The following WDR62 variants were observed in gnomAD, a reference collection of about 807,000 sequenced individuals.
WDR62 encodes the protein WD repeat-containing protein 62.
Under a neutral mutation model 160.6 loss-of-function variants are expected in WDR62, and 112 were observed. The ratio of observed to expected loss-of-function variants is 0.70; its 90% confidence interval spans 0.60 to 0.82. The LOEUF is 0.82. Among genes scored for constraint, WDR62 ranks in the 40% least tolerant of loss-of-function variants. The probability of loss-of-function intolerance (pLI) is 0.00; values close to 1 mark genes in which losing one functional copy is unlikely to be tolerated. For synonymous variants in WDR62, 792 were observed against 815.1 expected, an observed-to-expected ratio of 0.97 and a Z score of 0.48; for missense variants, 1,819 against 1,983.8, an observed-to-expected ratio of 0.92 and a Z score of 1.58.
intron 3 of WDR62, among the ~76,000 whole-genome samples, chr19:36,064,640 C>T (rs896515377): frequency 5.9e-5 from 9 of 151,908 alleles, no homozygotes; most frequent in African/African-American, 2.2e-4. Context: ...TGCAGCAGCA[C>T]GATCTTGGCT....
At chr19:36,081,392 G>A (rs906735641) in intron 9 of WDR62, 41 bp from the exon 10 acceptor site, 1 of 1,559,458 alleles carries the variant, frequency 6.4e-7, no homozygotes, top group Non-Finnish European at 8.8e-7. Flanking sequence ...TCATAGTGCT[G>A]TCATTGAGTC....
chr19:36,088,973 C>T (rs1363427330), intron 13 of WDR62, 65 bp from the exon 14 acceptor site: 1 of 1,580,882 alleles, frequency 6.3e-7, no homozygotes, highest in East Asian at 2.2e-5. Flanking sequence ...AGTGGAGTTC[C>T]CCAGCTAGGG....
chr19:36,061,977 T>C (rs1970673971), intron 3 of WDR62: 1 of 151,870 alleles, frequency 6.6e-6, no homozygotes, highest in Non-Finnish European at 1.5e-5. Flanking sequence ...AGAGTCTTGC[T>C]CTGTCACCCA....
At position 36,091,993 on chromosome 19, in the gene WDR62, C is replaced by A. The variant is rs533058369; in HGVS notation, c.2210+528C>A. ...TCAGTTTGCTCCCCTGTAAAAGACA[C>A]CACCGTTTACATTTACCTTAAAAAT... On this transcript the variant is annotated intron_variant, in intron 18 of 31. Coordinates refer to ENST00000401500, the MANE Select transcript of WDR62 (RefSeq NM_001083961.2). Among the ~76,000 whole-genome samples the A allele has an allele frequency of 7.9e-5, 12 of 152,060 alleles. No homozygotes were observed. The South Asian group carries it at 2.1e-3, about 26-fold the overall frequency.
intron 3 of WDR62, among the ~76,000 whole-genome samples, chr19:36,064,462 G>GT (rs1452682363): frequency 6.6e-6 from 1 of 152,102 alleles, no homozygotes; most frequent in African/African-American, 2.4e-5. Flanking sequence ...TGTATTTTTA[G>GT]TATAGACAGG....
At chr19:36,076,594 AG>A (rs1971582662) in intron 9 of WDR62, among the ~76,000 whole-genome samples, 1 of 151,288 alleles carries the variant, frequency 6.6e-6, no homozygotes, top group Non-Finnish European at 1.5e-5. Context: ...AGAGAAGGCC[AG>A]GGTTTTTTTT....
chr19:36,102,413 AC>A, intron 26 of WDR62: 1 of 591,536 alleles, frequency 1.7e-6, no homozygotes, highest in Non-Finnish European at 3.0e-6. Flanking sequence ...GGCATCCACA[AC>A]CACGCCCTGC....
At chr19:36,058,481 C>T (rs905402151) in intron 1 of WDR62, among the ~76,000 whole-genome samples, 1 of 152,250 alleles carries the variant, frequency 6.6e-6, no homozygotes. Context: ...CATTACTTGG[C>T]ATCTATTTCA....
At chr19:36,088,865 G>A (rs1488327651) in intron 13 of WDR62, among the ~76,000 whole-genome samples, 173 bp from the exon 14 acceptor site, 4 of 152,058 alleles carry the variant, frequency 2.6e-5, no homozygotes, top group South Asian at 2.1e-4. Context: ...CCCCTCACAC[G>A]TACAGCTCAT....
intron 9 of WDR62, chr19:36,075,462 C>CG (rs1348819696): frequency 6.6e-6 from 1 of 151,764 alleles, no homozygotes; most frequent in Non-Finnish European, 1.5e-5. Flanking sequence ...TTTTTCCCCC[C>CG]CAAGACGGAA....
In WDR62 at chr19:36,089,168, C is replaced by A. The variant is rs371369263; in HGVS notation, c.1837-17C>A. The A allele has an allele frequency of 6.2e-7, 1 of 1,613,550 alleles. No homozygotes were observed. The highest frequency in any genetic ancestry group is 1.7e-5 in the Admixed American group (1 of 59,934). On this transcript the variant is annotated splice_polypyrimidine_tract_variant and intron_variant, in intron 14 of 31. Transcript: ENST00000401500. ...GGTTGTCGGGGCATTCTCTGAAGGT[C>A]CTGCCGGCCCTGCCAGGGTTCGGAT... is the stretch of plus-strand genomic sequence containing the variant.
rs1351025682 is a variant in WDR62, at chr19:36,091,442, C to T, written c.2187C>T (p.His729=). 1.2e-6 allele frequency: 2 copies of T among 1,610,446 alleles called. No homozygotes were observed. The highest frequency in any genetic ancestry group is 2.2e-5 in the South Asian group (2 of 91,040). Reference sequence around the variant, plus strand: ...TGAAGTTCACCTATGACTGTCATCACTTGATCACAGTATCTGGAGACAGGT... The same window carrying T: ...TGAAGTTCACCTATGACTGTCATCATTTGATCACAGTATCTGGAGACAGGT... ...TSMKFTYDCH[H]LITVSGDSCV... Residue 729 remains histidine, a synonymous_variant, in exon 18 of 32, where the codon CAC becomes CAT. Coordinates refer to ENST00000401500, the MANE Select transcript of WDR62 (RefSeq NM_001083961.2).
intron 19 of WDR62, 140 bp downstream of exon 19, chr19:36,092,951 C>A: frequency 8.0e-7 from 1 of 1,247,526 alleles, no homozygotes; most frequent in Non-Finnish European, 1.2e-6. Context: ...GGGAGACAGA[C>A]TTTGAATATG....
At chr19:36,099,358 G>A in intron 21 of WDR62, 41 bp from the exon 22 acceptor site, 1 of 1,575,132 alleles carries the variant, frequency 6.3e-7, no homozygotes, top group African/African-American at 1.3e-5. Context: ...TGCAGTGAGT[G>A]AGCACTCAGC....
Position 36,102,697 on chromosome 19 carries a change from C to T in WDR62, c.3221-40C>T, listed in dbSNP as rs373602093. On this transcript the variant is annotated intron_variant, in intron 26 of 31. Coordinates refer to ENST00000401500, the MANE Select transcript of WDR62 (RefSeq NM_001083961.2). ...CTGGCCTAGGGCCAGGGCTGCTCGG[C>T]GGGAAGGGTTATGAGGGTCCCCTCG... 8.1e-5 allele frequency: 129 copies of T among 1,592,762 alleles called. No homozygotes were observed. The Middle Eastern group carries it at 2.8e-3, about 35-fold the overall frequency.
At chr19:36,095,711 T>C (rs1046099356) in intron 20 of WDR62, among the ~76,000 whole-genome samples, 1 of 152,210 alleles carries the variant, frequency 6.6e-6, no homozygotes, top group Admixed American at 6.5e-5. Flanking sequence ...GGAGAATTGC[T>C]TGAACCTGGG....
At position 36,083,141 on chromosome 19, in the gene WDR62, G is replaced by A. The variant is rs1406367668; in HGVS notation, c.1450G>A (p.Glu484Lys). The A allele has an allele frequency of 1.5e-5, 24 of 1,613,558 alleles. No individual in the cohort carries two copies. The highest frequency in any genetic ancestry group is 2.2e-5 in the East Asian group (1 of 44,884). ...DMSHFPDRGS[E>K]NGTPMDVKAG... Reference sequence around the variant, plus strand: ...GTCACACTTCCCAGACCGGGGGAGCGAGAATGGGACACCCATGGACGTGAA... The same window carrying A: ...GTCACACTTCCCAGACCGGGGGAGCAAGAATGGGACACCCATGGACGTGAA... The change falls in exon 11 of 32, where the codon GAG becomes AAG. Residue 484 changes from glutamate to lysine, a missense_variant. Transcript: ENST00000401500.
At chr19:36,055,418 A>G (rs1257518575) in intron 1 of WDR62, among the ~76,000 whole-genome samples, 1 of 152,004 alleles carries the variant, frequency 6.6e-6, no homozygotes, top group East Asian at 1.9e-4. Context: ...TCTGTAAATC[A>G]CAGCCTAGTC....
Position 36,103,573 on chromosome 19 carries a change from C to T in WDR62, c.3745C>T (p.Leu1249Phe), listed in dbSNP as rs1221321805. 6.2e-7 allele frequency: 1 copy of T among 1,613,892 alleles called. No individual in the cohort carries two copies. Among genetic ancestry groups the T allele is most frequent in the South Asian group, 1.1e-5 (1 of 91,082 alleles). Residue 1249 changes from leucine to phenylalanine, a missense_variant, in exon 30 of 32, where the codon CTC becomes TTC. This residue lies in a region of WDR62 where 770 missense variants were observed against 734.2 expected (regional missense o/e 1.05). Transcript: ENST00000401500. ...GPIVATLAQP[L>F]RRPSSVGELA... ...TATCGTGGCCACACTGGCCCAGCCCCTCCGTAGGCCATCGTCCGTTGGGGA... is the reference window on the plus strand; with the variant it reads ...TATCGTGGCCACACTGGCCCAGCCCTTCCGTAGGCCATCGTCCGTTGGGGA...
Sources: allele counts gnomAD v4.1 joint callset (sites outside exome capture counted in the v4.1 genomes callset), GRCh38; gene constraint gnomAD v4.1.1; regional missense constraint gnomAD v4.1.1; transcripts MANE v1.5; gene names NCBI Gene and HGNC (gene_info 2026-07-23, HGNC 2026-07-21).